COG4: variants seen among roughly 807,000 people sequenced by gnomAD.
The protein encoded by COG4 is conserved oligomeric Golgi complex subunit 4.
Under a neutral mutation model 95.1 loss-of-function variants are expected in COG4, and 65 were observed. The observed-to-expected ratio is 0.68, with a 90% CI of 0.56 to 0.84. The LOEUF is 0.84. COG4 is among the 40% of genes least tolerant of loss of function. The pLI is 0.00. For synonymous variants in COG4, 421 were observed against 374.8 expected, an observed-to-expected ratio of 1.12 and a Z score of -1.42; for missense variants, 1,045 against 989.1, an observed-to-expected ratio of 1.06 and a Z score of -0.76.
At chr16:70,511,067 T>A (rs1443141557) in intron 5 of COG4, among the ~76,000 whole-genome samples, 1 of 152,086 alleles carries the variant, frequency 6.6e-6, no homozygotes, top group East Asian at 1.9e-4. Flanking sequence ...GCCTGGCCTG[T>A]ATTTTGTTTT....
rs376172404 is a variant in COG4, at chr16:70,503,767, T to A, written c.1062-2676A>T. Among the ~76,000 whole-genome samples, 10 of 138,854 alleles carry A rather than the reference T, an allele frequency of 7.2e-5. 4 individuals carry two copies. The highest frequency in any genetic ancestry group is 3.5e-4 in the African/African-American group (10 of 28,836). 91.1% of individuals were successfully genotyped at this position (138,854 alleles called of 152,430 possible). A position where few individuals can be genotyped will look rare whatever the true frequency, so the allele number is the denominator to read the frequency against. On this transcript the variant is annotated intron_variant, in intron 8 of 18. Transcript: ENST00000323786. ...CCACCACCACGCCCGGCTAATTTTT[T>A]GTATTTTTAGTAGAGACGGGGTTTC...
intron 9 of COG4, among the ~76,000 whole-genome samples, chr16:70,500,525 T>C (rs1475597947): frequency 1.3e-5 from 2 of 151,712 alleles, no homozygotes; most frequent in Non-Finnish European, 2.9e-5. Flanking sequence ...CACGCTCAGC[T>C]AATTTTTGTA....
At chr16:70,499,192 A>T (rs1023229520) in intron 9 of COG4, among the ~76,000 whole-genome samples, 2 of 151,814 alleles carry the variant, frequency 1.3e-5, no homozygotes, top group South Asian at 2.1e-4. Context: ...TTTTTATTAA[A>T]TTTTTTTTTC....
In COG4 at chr16:70,497,254, T is replaced by C. The variant is rs1456107354; in HGVS notation, c.1448A>G (p.Asn483Ser). 9.9e-6 allele frequency: 16 copies of C among 1,614,064 alleles called. No homozygotes were observed. The highest frequency in any genetic ancestry group is 1.4e-5 in the Non-Finnish European group (16 of 1,180,018). The change falls in exon 11 of 19, where the codon AAC (asparagine) becomes AGC (serine). Residue 483 changes from asparagine (N) to serine (S), a missense_variant. Asn to Ser is a conservative substitution (Grantham distance 46, BLOSUM62 1). Transcript: ENST00000323786. ...AGACTCCAGCTCTGTGGTGGCGAGG[T>C]TGATCATGGCACAGAGACAGTCAAT... ...SSIDCLCAMI[N>S]LATTELESDF...
chr16:70,516,434 C>A (rs2151763040), intron 3 of COG4, among the ~76,000 whole-genome samples: 1 of 151,970 alleles, frequency 6.6e-6, no homozygotes, highest in South Asian at 2.1e-4. Context: ...GTAGCTGGGA[C>A]TACAGGAGCC....
Position 70,501,175 on chromosome 16 carries a change from C to A in COG4, c.1062-84G>T, listed in dbSNP as rs2049442143. On this transcript the variant is annotated intron_variant, in intron 8 of 18. Coordinates refer to ENST00000323786, the MANE Select transcript of COG4 (RefSeq NM_015386.3). ...TACAGGGCAAAGAGAGTCCCAAATT[C>A]CCCCTCCCCACTGGGCCCATAAGGA... 6 of 1,499,184 alleles carry A rather than the reference C, an allele frequency of 4.0e-6. No homozygotes were observed. In the South Asian group the frequency reaches 5.7e-5, roughly 14 times the overall value. The allele number at this position is 1,499,184 out of a possible 1,614,324, so 92.9% of individuals were successfully genotyped here. A position where few individuals can be genotyped will look rare whatever the true frequency, so the allele number is the denominator to read the frequency against.
intron 9 of COG4, among the ~76,000 whole-genome samples, chr16:70,499,444 C>T (rs2049404025): frequency 6.6e-6 from 1 of 152,206 alleles, no homozygotes; most frequent in Non-Finnish European, 1.5e-5. Flanking sequence ...GCCCCTGCCA[C>T]ATATTATTGG....
chr16:70,510,020 AC>A lies in COG4; in HGVS notation c.739del (p.Val247TrpfsTer17). ...RKFSEYLCKQVASKAEENLLM... is the reference protein window; with the variant it reads ...RKFSEYLCKQXASKAEENLLM... ...CAGATTCTCCTCAGCTTTACTGGCC[AC>A]CTAAAAAAGGAGAAAACCCACACAC... On this transcript the variant is annotated frameshift_variant and splice_region_variant, in exon 6 of 19. Coordinates refer to ENST00000323786, the MANE Select transcript of COG4 (RefSeq NM_015386.3). LOFTEE classifies it high-confidence loss of function. The A allele has an allele frequency of 6.2e-7, 1 of 1,613,360 alleles. No homozygotes were observed. Among genetic ancestry groups the A allele is most frequent in the Non-Finnish European group, 8.5e-7 (1 of 1,179,388 alleles).
At chr16:70,519,845 C>T in intron 1 of COG4, 114 bp from the exon 2 acceptor site, 1 of 775,242 alleles carries the variant, frequency 1.3e-6, no homozygotes, top group South Asian at 1.4e-5. Flanking sequence ...TTTTTTCCTT[C>T]CACTATGTTC....
At chr16:70,496,958 T>C (rs759591388) in intron 11 of COG4, among the ~76,000 whole-genome samples, 7 of 152,188 alleles carry the variant, frequency 4.6e-5, no homozygotes, top group Non-Finnish European at 8.8e-5. Flanking sequence ...GGTGGTATTA[T>C]TCATCTGAAC....
At chr16:70,512,540 C>G in intron 4 of COG4, 108 bp from the exon 5 acceptor site, 1 of 902,078 alleles carries the variant, frequency 1.1e-6, no homozygotes, top group Non-Finnish European at 1.8e-6. Context: ...TAAGCACTTA[C>G]CATGTGCAAG....
chr16:70,508,938 G>T, intron 7 of COG4: 1 of 544,652 alleles, frequency 1.8e-6, no homozygotes, highest in South Asian at 1.7e-5. Flanking sequence ...ATCATTAGAG[G>T]GCACTGTTGC....
intron 17 of COG4, 121 bp from the exon 18 acceptor site, chr16:70,481,608 TGCTCTACG>T: frequency 6.7e-7 from 1 of 1,496,196 alleles, no homozygotes; most frequent in East Asian, 2.3e-5. Context: ...GTGGTTTGTT[TGCTCTACG>T]GCTTCAGAAG....
chr16:70,501,782 G>C (rs936723296), intron 8 of COG4, among the ~76,000 whole-genome samples: 9 of 151,904 alleles, frequency 5.9e-5, no homozygotes, highest in Admixed American at 2.6e-4. Flanking sequence ...CACATGAGTA[G>C]CTGGGATTAC....
At chr16:70,512,579 A>C (rs1197125010) in intron 4 of COG4, 147 bp from the exon 5 acceptor site, 19 of 722,318 alleles carry the variant, frequency 2.6e-5, no homozygotes, top group Non-Finnish European at 4.2e-5. Context: ...GCATGATTAC[A>C]AGATGAATCA....
At chr16:70,517,811 T>C (rs1485672335) in intron 2 of COG4, 71 bp from the exon 3 acceptor site, 3 of 908,958 alleles carry the variant, frequency 3.3e-6, no homozygotes, top group East Asian at 4.8e-5. Flanking sequence ...TTTTTGCATA[T>C]GGACACTATG....
At chr16:70,505,829 A>C (rs1185261181) in intron 8 of COG4, among the ~76,000 whole-genome samples, 1 of 151,820 alleles carries the variant, frequency 6.6e-6, no homozygotes, top group Non-Finnish European at 1.5e-5. Context: ...ACTCTGTCTC[A>C]AAAAAAGAAA....
chr16:70,481,278 G>C, intron 18 of COG4, 81 bp downstream of exon 18: 1 of 1,608,288 alleles, frequency 6.2e-7, no homozygotes, highest in East Asian at 2.2e-5. Context: ...TGGCAGACAT[G>C]GTTTAGAGGG....
In COG4 at chr16:70,497,244, G is replaced by A; in HGVS notation, c.1458C>T (p.Thr486=). ...DCLCAMINLA[T]TELESDFRDV... ...ACCTGAAGTCAGACTCCAGCTCTGT[G>A]GTGGCGAGGTTGATCATGGCACAGA... The change falls in exon 11 of 19, where the codon ACC becomes ACT. Residue 486 remains threonine, a synonymous_variant. Coordinates refer to ENST00000323786, the MANE Select transcript of COG4 (RefSeq NM_015386.3). The A allele has an allele frequency of 1.2e-6, 2 of 1,614,164 alleles. No homozygotes were observed. Among genetic ancestry groups the A allele is most frequent in the Non-Finnish European group, 1.7e-6 (2 of 1,180,012 alleles).
Sources: gnomAD v4.1 joint callset for allele counts (sites outside exome capture counted in the v4.1 genomes callset) on GRCh38, gnomAD v4.1.1 for gene constraint, MANE v1.5 for transcripts, NCBI Gene and HGNC (gene_info 2026-07-23, HGNC 2026-07-21) for gene names.